The following MEOX2 variants were observed in gnomAD, a reference collection of about 807,000 sequenced individuals.
MEOX2 encodes mesenchyme homeobox 2.
MEOX2 carries 11 observed loss-of-function variants against 27.0 expected under a neutral mutation model. That is an observed-to-expected ratio of 0.41 (90% CI 0.26 to 0.68). MEOX2 has a LOEUF of 0.68. Among genes scored for constraint, MEOX2 ranks in the 30% least tolerant of loss-of-function variants. MEOX2 has a pLI of 0.33. For synonymous variants in MEOX2, 189 were observed against 155.4 expected (o/e 1.22, Z -1.61); for missense variants, 436 against 385.4 (o/e 1.13, Z -1.10).
intron 2 of MEOX2, among the ~76,000 whole-genome samples, chr7:15,623,572 G>A (rs1171721135): frequency 1.3e-5 from 2 of 152,134 alleles, no homozygotes; most frequent in African/African-American, 2.4e-5. Context: ...GTTTCACCAT[G>A]TTGGCCAGGC....
intron 2 of MEOX2, among the ~76,000 whole-genome samples, chr7:15,622,582 G>A (rs1223425024): frequency 6.6e-6 from 1 of 151,968 alleles, no homozygotes; most frequent in Non-Finnish European, 1.5e-5. Flanking sequence ...AAGTCTTAAA[G>A]AATGAATATG....
At chr7:15,631,129 T>C (rs1437076534) in intron 1 of MEOX2, among the ~76,000 whole-genome samples, 1 of 151,892 alleles carries the variant, frequency 6.6e-6, no homozygotes, top group Non-Finnish European at 1.5e-5. Flanking sequence ...CTTTGATAGC[T>C]ATAATAATAC....
chr7:15,654,223 T>A (rs1339971780), intron 1 of MEOX2, among the ~76,000 whole-genome samples: 1 of 151,958 alleles, frequency 6.6e-6, no homozygotes, highest in African/African-American at 2.4e-5. Flanking sequence ...TTAACAGAAA[T>A]AAAATTATGT....
chr7:15,679,099 AT>A (rs1480265455), intron 1 of MEOX2: 1 of 152,158 alleles, frequency 6.6e-6, no homozygotes, highest in East Asian at 1.9e-4. Flanking sequence ...AACATTTATA[AT>A]CATATTATGC....
chr7:15,623,377 AT>A (rs923527641), intron 2 of MEOX2, among the ~76,000 whole-genome samples: 2 of 152,182 alleles, frequency 1.3e-5, no homozygotes, highest in African/African-American at 2.4e-5. Context: ...TAAGTATGTG[AT>A]TTTTTTTTAT....
intron 1 of MEOX2, among the ~76,000 whole-genome samples, chr7:15,636,626 G>T (rs931034230): frequency 2.6e-5 from 4 of 152,066 alleles, no homozygotes; most frequent in Admixed American, 1.3e-4. Context: ...CATTTCTTTG[G>T]AGATCTTAAA....
At chr7:15,675,541 A>C (rs887346712) in intron 1 of MEOX2, among the ~76,000 whole-genome samples, 1 of 152,230 alleles carries the variant, frequency 6.6e-6, no homozygotes, top group Non-Finnish European at 1.5e-5. Context: ...TGAAGTCAGG[A>C]TATGGAAGCT....
chr7:15,650,900 A>G (rs1385909770), intron 1 of MEOX2, among the ~76,000 whole-genome samples: 1 of 152,034 alleles, frequency 6.6e-6, no homozygotes, highest in Non-Finnish European at 1.5e-5. Flanking sequence ...GAAGGTAAAT[A>G]TGAATCAGGA....
intron 1 of MEOX2, among the ~76,000 whole-genome samples, chr7:15,657,300 C>T (rs180701751): frequency 2.6e-5 from 4 of 152,232 alleles, no homozygotes; most frequent in East Asian, 3.9e-4. Context: ...TCTTTCTCCT[C>T]CCCGTCAGGA....
intron 1 of MEOX2, among the ~76,000 whole-genome samples, chr7:15,643,655 G>C (rs1456720460): frequency 1.3e-5 from 2 of 152,188 alleles, no homozygotes; most frequent in African/African-American, 2.4e-5. Flanking sequence ...GACTCCCAGA[G>C]GGAAAAACTG....
chr7:15,613,743 G>T (rs1437464560), intron 2 of MEOX2, among the ~76,000 whole-genome samples: 2 of 151,956 alleles, frequency 1.3e-5, no homozygotes, highest in Non-Finnish European at 2.9e-5. Context: ...CATCTTTGTT[G>T]ATTCAAAAGA....
chr7:15,631,053 G>A (rs1253793431), intron 1 of MEOX2, among the ~76,000 whole-genome samples: 1 of 151,860 alleles, frequency 6.6e-6, no homozygotes, highest in Non-Finnish European at 1.5e-5. Flanking sequence ...TTAAAAATTG[G>A]ATCGAGCACC....
rs143034946 is a variant in MEOX2, at chr7:15,675,516, T to C, written c.517+10370A>G. Among the ~76,000 whole-genome samples, 6 of 152,340 alleles carry C rather than the reference T, an allele frequency of 3.9e-5. No homozygotes were observed. In the East Asian group the frequency reaches 1.2e-3, roughly 29 times the overall value. Reference sequence around the variant, plus strand: ...CAAAATATTTTACGAGATTTTCCTTTTAAGGGCACTAGGCTGAAGTCAGGA... The same window carrying C: ...CAAAATATTTTACGAGATTTTCCTTCTAAGGGCACTAGGCTGAAGTCAGGA... On this transcript the variant is annotated intron_variant, in intron 1 of 2. Coordinates refer to ENST00000262041, the MANE Select transcript of MEOX2 (RefSeq NM_005924.5).
intron 1 of MEOX2, among the ~76,000 whole-genome samples, chr7:15,640,851 A>G (rs1306400992): frequency 6.6e-6 from 1 of 152,206 alleles, no homozygotes; most frequent in East Asian, 1.9e-4. Context: ...ATGTTGAACT[A>G]TCCTTGCTTC....
intron 1 of MEOX2, among the ~76,000 whole-genome samples, chr7:15,633,285 C>A (rs1781429840): frequency 6.6e-6 from 1 of 152,020 alleles, no homozygotes; most frequent in South Asian, 2.1e-4. Flanking sequence ...ATGTGTCCCC[C>A]ATTCACCTCC....
chr7:15,650,682 A>G (rs1781720180), intron 1 of MEOX2, among the ~76,000 whole-genome samples: 1 of 152,016 alleles, frequency 6.6e-6, no homozygotes. Context: ...GAGAAGAAAT[A>G]GAGGGAAAAA....
intron 1 of MEOX2, 55 bp from the exon 2 acceptor site, chr7:15,626,973 A>G (rs926571321): frequency 6.6e-7 from 1 of 1,522,622 alleles, no homozygotes; most frequent in Non-Finnish European, 9.1e-7. Flanking sequence ...AACACATGCA[A>G]TCATATTATT....
intron 1 of MEOX2, among the ~76,000 whole-genome samples, chr7:15,647,500 A>T (rs1781669993): frequency 6.6e-6 from 1 of 152,212 alleles, no homozygotes; most frequent in South Asian, 2.1e-4. Context: ...GTCTTCTCAT[A>T]TTACAGTATT....
chr7:15,658,064 C>G (rs977560488), intron 1 of MEOX2, among the ~76,000 whole-genome samples: 1 of 152,216 alleles, frequency 6.6e-6, no homozygotes, highest in African/African-American at 2.4e-5. Context: ...ATAAGACTAA[C>G]TTTTTACTAA....
Sources: gnomAD v4.1 joint callset for allele counts (sites outside exome capture counted in the v4.1 genomes callset) on GRCh38, gnomAD v4.1.1 for gene constraint, MANE v1.5 for transcripts, NCBI Gene and HGNC (gene_info 2026-07-23, HGNC 2026-07-21) for gene names.